The following ZNF699 variants were observed in gnomAD, a reference collection of about 807,000 sequenced individuals.
The protein encoded by ZNF699 is zinc finger protein 699.
In ZNF699, 18 loss-of-function variants were observed where a neutral mutation model predicts 22.5. The ratio of observed to expected loss-of-function variants is 0.80; its 90% CI spans 0.55 to 1.19. The LOEUF (loss-of-function observed/expected upper bound fraction) is 1.19, where lower values mean the gene tolerates loss of function less well. ZNF699 is among the 50% of genes most tolerant of loss of function. ZNF699 has a pLI of 0.00. For synonymous variants in ZNF699, 241 were observed against 262.3 expected (o/e 0.92, Z 0.78); for missense variants, 670 against 763.4 (o/e 0.88, Z 1.44).
rs2066289556 is a variant in ZNF699, at chr19:9,297,009, CTGTCAAGTT to C, written c.471-85_471-77del. ...GTGAATGTATATGTTTTCTGCCCTT[CTGTCAAGTT>C]TAAGCTGAAAGTTTTCACAGAGGGC... On this transcript the variant is annotated intron_variant, in intron 5 of 5. Coordinates refer to ENST00000591998, the MANE Select transcript of ZNF699 (RefSeq NM_198535.3). This position sits in a 1 kb window ranked among gnomAD's most constrained non-coding sequence, Gnocchi z 4.3. 12 of 1,291,370 alleles carry C rather than the reference CTGTCAAGTT, an allele frequency of 9.3e-6. No homozygotes were observed. The highest frequency in any genetic ancestry group is 3.0e-5 in the African/African-American group (2 of 66,528). 80.0% of individuals were successfully genotyped at this position (1,291,370 alleles called of 1,614,324 possible).
At chr19:9,304,298 C>T (rs1408423270) in intron 2 of ZNF699, among the ~76,000 whole-genome samples, 1 of 152,036 alleles carries the variant, frequency 6.6e-6, no homozygotes, top group East Asian at 1.9e-4. Flanking sequence ...TTATTCCCAC[C>T]ATAGCAATCA....
chr19:9,296,444 G>A lies in ZNF699; in HGVS notation c.960C>T (p.Ser320=). The A allele has an allele frequency of 6.2e-7, 1 of 1,603,884 alleles. No individual in the cohort carries two copies. Among genetic ancestry groups the A allele is most frequent in the African/African-American group, 1.4e-5 (1 of 72,784 alleles). The change falls in exon 6 of 6, where the codon TCC becomes TCT. Residue 320 remains serine (S), a synonymous_variant. Transcript: ENST00000591998. Reference sequence around the variant, plus strand: ...GAATTCTTTTGTGTTTGGAGAGTGAGGAGGAACAACTGAAGGCCTTCCCAC... The same window carrying A: ...GAATTCTTTTGTGTTTGGAGAGTGAAGAGGAACAACTGAAGGCCTTCCCAC... ...KECGKAFSCS[S]SLSKHKRIHS...
rs1368614065 is a variant in ZNF699, at chr19:9,293,803, GTAGAGT to G, written c.*1666_*1671del. Among the ~76,000 whole-genome samples, 1 of 151,928 alleles carries G rather than the reference GTAGAGT, an allele frequency of 6.6e-6. No homozygotes were observed. Among genetic ancestry groups the G allele is most frequent in the Non-Finnish European group, 1.5e-5 (1 of 68,000 alleles). ...AATAAAAAGTGATTATGGGGAAATAGTAGAGTTATACTTTTAAAGAGAAAATATAAT... is the reference window on the plus strand; with the variant it reads ...AATAAAAAGTGATTATGGGGAAATAGTATACTTTTAAAGAGAAAATATAAT... On this transcript the variant is annotated 3_prime_UTR_variant, in exon 6 of 6. Coordinates refer to ENST00000591998, the MANE Select transcript of ZNF699 (RefSeq NM_198535.3).
Position 9,297,765 on chromosome 19 carries a change from A to G in ZNF699, c.286+115T>C. The G allele has an allele frequency of 1.3e-6, 1 of 762,014 alleles. No individual in the cohort carries two copies. The highest frequency in any genetic ancestry group is 1.7e-5 in the South Asian group (1 of 57,884). 47.2% of individuals were successfully genotyped at this position (762,014 alleles called of 1,614,324 possible). A position where few individuals can be genotyped will look rare whatever the true frequency, so the allele number is the denominator to read the frequency against. Reference sequence around the variant, plus strand: ...GGACTGATAAAAAGTCAAAATAGTCATCTGAGCTATCTGTGGAAGATGAGC... The same window carrying G: ...GGACTGATAAAAAGTCAAAATAGTCGTCTGAGCTATCTGTGGAAGATGAGC... On this transcript the variant is annotated intron_variant, in intron 4 of 5. Transcript: ENST00000591998. This position sits in a 1 kb window ranked among gnomAD's most constrained non-coding sequence, Gnocchi z 4.3.
chr19:9,307,597 C>G (rs1338068649), intron 1 of ZNF699, among the ~76,000 whole-genome samples: 2 of 152,156 alleles, frequency 1.3e-5, no homozygotes, highest in South Asian at 4.1e-4. Context: ...GCTGGAATTT[C>G]AGAGGGTTTA....
chr19:9,304,078 C>T (rs907192391), intron 2 of ZNF699, among the ~76,000 whole-genome samples: 3 of 152,144 alleles, frequency 2.0e-5, no homozygotes, highest in Non-Finnish European at 4.4e-5. Context: ...ACCTTGGCCT[C>T]CCAAAGTGCT....
chr19:9,297,983 C>T lies in ZNF699; in HGVS notation c.183G>A (p.Pro61=), dbSNP rs768563405. 5.5e-5 allele frequency: 89 copies of T among 1,606,410 alleles called. No homozygotes were observed. Among genetic ancestry groups the T allele is most frequent in the Non-Finnish European group, 6.8e-5 (80 of 1,174,134 alleles). Residue 61 remains proline, a synonymous_variant, in exon 4 of 6, where the codon CCG becomes CCA. Transcript: ENST00000591998. This position sits in a 1 kb window ranked among gnomAD's most constrained non-coding sequence, Gnocchi z 4.3. The part of the protein sequence containing the change: ...NFQNLASLGY[P]LHTPHLISQW... Reference sequence around the variant, plus strand: ...GGGAGATCAGATGGGGTGTGTGTAGCGGATACCCTGCACAAGCAGAAAGGC... The same window carrying T: ...GGGAGATCAGATGGGGTGTGTGTAGTGGATACCCTGCACAAGCAGAAAGGC...
rs1433337624 is a variant in ZNF699 at position 9,292,559 on chromosome 19, C to T, written c.*2916G>A. The stretch of plus-strand genomic sequence containing the variant: ...TCAACTAGATAACATTTTTTTAGCC[C>T]CAGGATTTAGCCATGTCTGAAGCTC... On this transcript the variant is annotated 3_prime_UTR_variant, in exon 6 of 6. Transcript: ENST00000591998. Among the ~76,000 whole-genome samples the T allele has an allele frequency of 2.6e-5, 4 of 151,980 alleles. No homozygotes were observed. Among genetic ancestry groups the T allele is most frequent in the African/African-American group, 4.8e-5 (2 of 41,364 alleles).
intron 3 of ZNF699, among the ~76,000 whole-genome samples, chr19:9,301,267 A>G (rs77483160): frequency 6.6e-6 from 1 of 152,050 alleles, no homozygotes; most frequent in East Asian, 1.9e-4. Context: ...AAATCCAATG[A>G]CTGGTGTCCT....
At position 9,296,344 on chromosome 19, in the gene ZNF699, T is replaced by A; in HGVS notation, c.1060A>T (p.Ile354Leu). ...GGCTTCTCTCCAGTGTGAATTCTTATATGTATTATAAGGTGAGAGGAAGAG... is the reference window on the plus strand; with the variant it reads ...GGCTTCTCTCCAGTGTGAATTCTTAAATGTATTATAAGGTGAGAGGAAGAG... Reference protein sequence around the residue: ...FSSSSHLIIHIRIHTGEKPYE... With the variant: ...FSSSSHLIIHLRIHTGEKPYE... Residue 354 changes from isoleucine to leucine, a missense_variant, in exon 6 of 6, where the codon ATA becomes TTA. By Grantham distance (5) the Ile-to-Leu change is conservative. Transcript: ENST00000591998. The A allele has an allele frequency of 6.2e-7, 1 of 1,612,272 alleles. No individual in the cohort carries two copies. The highest frequency in any genetic ancestry group is 1.1e-5 in the South Asian group (1 of 90,966).
intron 3 of ZNF699, among the ~76,000 whole-genome samples, chr19:9,301,893 ATTTTCTT>A (rs2066308659): frequency 2.0e-5 from 3 of 149,174 alleles, no homozygotes; most frequent in Admixed American, 6.6e-5. Flanking sequence ...ACAGATGTTT[ATTTTCTT>A]TTTTCTTTTT....
Position 9,299,865 on chromosome 19 carries a change from TAA to T in ZNF699, c.176-1877_176-1876del, listed in dbSNP as rs59470657. On this transcript the variant is annotated intron_variant, in intron 3 of 5. Coordinates refer to ENST00000591998, the MANE Select transcript of ZNF699 (RefSeq NM_198535.3). The stretch of plus-strand genomic sequence containing the variant: ...AGAACTCTTAAAACTCAACAATGTT[TAA>T]AAAAAAAAAAGACAAAAAAATGAGC... Among the ~76,000 whole-genome samples, 17 of 143,736 alleles carry T rather than the reference TAA, an allele frequency of 1.2e-4. 1 individual carries two copies. The highest frequency in any genetic ancestry group is 6.2e-4 in the Admixed American group (9 of 14,494). The allele number at this position is 143,736 out of a possible 152,430, so 94.3% of individuals were successfully genotyped here. A position where few individuals can be genotyped will look rare whatever the true frequency, so the allele number is the denominator to read the frequency against.
In ZNF699 at chr19:9,297,365, G is replaced by A. The variant is rs1356241216; in HGVS notation, c.401C>T (p.Ser134Phe). The A allele has an allele frequency of 6.2e-7, 1 of 1,602,540 alleles. No individual in the cohort carries two copies. The highest frequency in any genetic ancestry group is 1.1e-5 in the South Asian group (1 of 87,942). ...VRFKRNDSWF[S>F]SLHENQESCG... The stretch of plus-strand genomic sequence containing the variant: ...GGACTCCTGGTTTTCATGTAAACTG[G>A]AGAACCAGGAATCATTCCTTTTGAA... Residue 134 changes from serine (S) to phenylalanine (F), a missense_variant, in exon 5 of 6, where the codon TCC becomes TTC. By Grantham distance (155) the Ser-to-Phe change is radical. Transcript: ENST00000591998. The surrounding 1 kb of genome is among the most constrained non-coding windows in gnomAD (Gnocchi z 4.3).
chr19:9,298,135 A>AT (rs55772378), intron 3 of ZNF699, 145 bp from the exon 4 acceptor site: 1,259 of 490,312 alleles, frequency 2.6e-3, no homozygotes, highest in East Asian at 3.9e-3. Context: ...AAATTTATTT[A>AT]TTTTTTTTTT....
At chr19:9,301,802 T>C (rs1334055401) in intron 3 of ZNF699, among the ~76,000 whole-genome samples, 2 of 152,224 alleles carry the variant, frequency 1.3e-5, no homozygotes, top group South Asian at 2.1e-4. Context: ...CCTATAGTGA[T>C]TGCTGAGGTT....
intron 3 of ZNF699, among the ~76,000 whole-genome samples, chr19:9,301,667 C>T (rs1254642272): frequency 6.6e-6 from 1 of 152,132 alleles, no homozygotes; most frequent in East Asian, 1.9e-4. Flanking sequence ...TGTATTCTTG[C>T]TTGCTGCACT....
intron 2 of ZNF699, 101 bp downstream of exon 2, chr19:9,304,971 G>A: frequency 1.2e-6 from 1 of 806,132 alleles, no homozygotes; most frequent in Non-Finnish European, 2.0e-6. Context: ...AATACTATGT[G>A]GTCCAATACA....
intron 1 of ZNF699, among the ~76,000 whole-genome samples, chr19:9,308,280 C>CA (rs2066334803): frequency 6.6e-6 from 1 of 151,786 alleles, no homozygotes; most frequent in African/African-American, 2.4e-5. Context: ...CAGCCAGCAA[C>CA]AGACTCAGCA....
chr19:9,293,398 T>G lies in ZNF699; in HGVS notation c.*2077A>C, dbSNP rs77209950. ...ACTGCAATACCTACCAAAACTAAAT[T>G]TAAAGTCTACCCTATGATTCAGTAA... On this transcript the variant is annotated 3_prime_UTR_variant, in exon 6 of 6. Transcript: ENST00000591998. Among the ~76,000 whole-genome samples, 1 of 152,274 alleles carries G rather than the reference T, an allele frequency of 6.6e-6. No homozygotes were observed. Among genetic ancestry groups the G allele is most frequent in the Non-Finnish European group, 1.5e-5 (1 of 68,028 alleles).
Sources: allele counts gnomAD v4.1 joint callset (sites outside exome capture counted in the v4.1 genomes callset), GRCh38; gene constraint gnomAD v4.1.1; non-coding constraint Gnocchi (gnomAD v3.1); transcripts MANE v1.5; gene names NCBI Gene and HGNC (gene_info 2026-07-23, HGNC 2026-07-21).